Variants in ERC2 observed in about 807,000 individuals in gnomAD.
ERC2 encodes the protein ELKS/RAB6-interacting/CAST family member 2.
Under a neutral mutation model 114.8 loss-of-function variants are expected in ERC2, and 42 were observed. The ratio of observed to expected loss-of-function variants is 0.37; its 90% CI spans 0.29 to 0.47. The LOEUF is 0.47. Among genes scored for constraint, ERC2 ranks in the 20% least tolerant of loss-of-function variants. The pLI is 0.99. For synonymous variants in ERC2, 454 were observed against 425.5 expected, an observed-to-expected ratio of 1.07 and a Z score of -0.82; for missense variants, 939 against 1,150.7, an observed-to-expected ratio of 0.82 and a Z score of 2.66.
At chr3:56,452,742 G>C (rs1342473365) in intron 1 of ERC2, among the ~76,000 whole-genome samples, 2 of 152,194 alleles carry the variant, frequency 1.3e-5, no homozygotes, top group African/African-American at 2.4e-5. Flanking sequence ...CCTTGAGCAA[G>C]TTAGCAAACC....
At chr3:55,539,728 T>C (rs1238241594) in intron 17 of ERC2, among the ~76,000 whole-genome samples, 1 of 152,018 alleles carries the variant, frequency 6.6e-6, no homozygotes, top group East Asian at 1.9e-4. Flanking sequence ...CGCCCCACCC[T>C]AAGACACATT....
intron 13 of ERC2, among the ~76,000 whole-genome samples, chr3:55,902,262 C>T (rs149698284): frequency 4.6e-5 from 7 of 152,212 alleles, no homozygotes; most frequent in African/African-American, 1.7e-4. Flanking sequence ...TCAATTTCTC[C>T]TTTATTTAAA....
At chr3:56,240,092 A>T (rs915642085) in intron 3 of ERC2, among the ~76,000 whole-genome samples, 1 of 152,254 alleles carries the variant, frequency 6.6e-6, no homozygotes, top group Non-Finnish European at 1.5e-5. Context: ...ATGAAATAAA[A>T]ATGAGATAAA....
intron 16 of ERC2, among the ~76,000 whole-genome samples, chr3:55,687,377 A>AT (rs11313736): frequency 1.3e-5 from 2 of 149,486 alleles, no homozygotes; most frequent in African/African-American, 4.9e-5. Flanking sequence ...CCACCACCGG[A>AT]TTTTTTTTTT....
chr3:55,837,009 C>T (rs896191135), intron 14 of ERC2, among the ~76,000 whole-genome samples: 1 of 152,194 alleles, frequency 6.6e-6, no homozygotes, highest in Non-Finnish European at 1.5e-5. Flanking sequence ...AAAAAATGCT[C>T]ACCATCACTG....
intron 17 of ERC2, among the ~76,000 whole-genome samples, chr3:55,570,387 G>A (rs541536362): frequency 3.3e-5 from 5 of 152,224 alleles, no homozygotes; most frequent in South Asian, 2.1e-4. Context: ...GAAGAGAGGC[G>A]AAGTCCACAT....
intron 17 of ERC2, among the ~76,000 whole-genome samples, chr3:55,673,967 G>A (rs185445556): frequency 1.6e-4 from 24 of 152,108 alleles, no homozygotes; most frequent in Admixed American, 5.9e-4. Flanking sequence ...GGCAATCAGA[G>A]GCACTCCTCT....
At chr3:55,731,727 A>G (rs528870696) in intron 15 of ERC2, among the ~76,000 whole-genome samples, 3 of 152,304 alleles carry the variant, frequency 2.0e-5, no homozygotes, top group Admixed American at 2.0e-4. Context: ...TCTCTATAAG[A>G]GTATCAAACC....
chr3:55,707,434 G>A (rs1232966954), intron 15 of ERC2, among the ~76,000 whole-genome samples: 1 of 106,852 alleles, frequency 9.4e-6, no homozygotes, highest in Admixed American at 8.4e-5. Flanking sequence ...ATGAGATCTT[G>A]TCTCAAAAAA....
intron 15 of ERC2, among the ~76,000 whole-genome samples, chr3:55,704,026 G>A (rs143724030): frequency 2.4e-3 from 364 of 152,298 alleles, no homozygotes; most frequent in African/African-American, 8.3e-3. Flanking sequence ...ATCCCCTAGC[G>A]TTTGGGGGAG....
intron 3 of ERC2, among the ~76,000 whole-genome samples, chr3:56,225,938 T>TCCTAA (rs1305500194): frequency 8.5e-5 from 13 of 152,288 alleles, no homozygotes; most frequent in African/African-American, 3.1e-4. Context: ...CAATCTGCCT[T>TCCTAA]CCTAAGCACT....
chr3:56,135,682 A>G (rs1269285108), intron 6 of ERC2, among the ~76,000 whole-genome samples: 1 of 152,214 alleles, frequency 6.6e-6, no homozygotes, highest in African/African-American at 2.4e-5. Flanking sequence ...GTTATTGAAT[A>G]GGGAGGCTGA....
chr3:55,815,670 G>A (rs957374838), intron 14 of ERC2, among the ~76,000 whole-genome samples: 23 of 152,158 alleles, frequency 1.5e-4, no homozygotes, highest in Non-Finnish European at 3.1e-4. Context: ...ATAAACATGT[G>A]ATATTTTAAG....
intron 5 of ERC2, among the ~76,000 whole-genome samples, chr3:56,141,762 C>T (rs910210852): frequency 3.9e-5 from 6 of 152,002 alleles, no homozygotes; most frequent in African/African-American, 9.7e-5. Context: ...AATTTTTAAC[C>T]TTAATCTCCC....
chr3:55,657,684 T>C (rs1224941855), intron 17 of ERC2: 1 of 152,160 alleles, frequency 6.6e-6, no homozygotes, highest in African/African-American at 2.4e-5. Flanking sequence ...GGCCTTCAAC[T>C]CCTAGGCTCA....
chr3:55,711,672 T>C (rs1576258082), intron 15 of ERC2, among the ~76,000 whole-genome samples: 1 of 152,226 alleles, frequency 6.6e-6, no homozygotes, highest in Non-Finnish European at 1.5e-5. Flanking sequence ...TATGGACATA[T>C]AATAAGTGTT....
chr3:56,004,207 A>C (rs551852291), intron 10 of ERC2, among the ~76,000 whole-genome samples: 1 of 152,166 alleles, frequency 6.6e-6, no homozygotes, highest in Admixed American at 6.6e-5. Flanking sequence ...TTACTCCCCC[A>C]TTTTGAACCT....
chr3:56,271,989 C>T (rs1327977786), intron 3 of ERC2, among the ~76,000 whole-genome samples: 1 of 152,116 alleles, frequency 6.6e-6, no homozygotes, highest in Non-Finnish European at 1.5e-5. Flanking sequence ...TATATCCAGT[C>T]TACCATTGTC....
intron 14 of ERC2, among the ~76,000 whole-genome samples, chr3:55,769,121 G>A (rs2068022954): frequency 6.6e-6 from 1 of 152,104 alleles, no homozygotes; most frequent in Non-Finnish European, 1.5e-5. Flanking sequence ...TCGCTTGGAG[G>A]CCTCCGAAGG....
Sources: gnomAD v4.1 joint callset for allele counts (sites outside exome capture counted in the v4.1 genomes callset) on GRCh38, gnomAD v4.1.1 for gene constraint, MANE v1.5 for transcripts, NCBI Gene and HGNC (gene_info 2026-07-23, HGNC 2026-07-21) for gene names.